The following ALPK3 variants were observed in gnomAD, a reference collection of about 807,000 sequenced individuals.
ALPK3 encodes the protein alpha-protein kinase 3.
A neutral mutation model predicts 140.0 loss-of-function variants in ALPK3; 102 were observed. The observed-to-expected ratio is 0.73, with a 90% CI of 0.62 to 0.86. The LOEUF (loss-of-function observed/expected upper bound fraction) is 0.86. Among genes scored for constraint, ALPK3 ranks in the 40% least tolerant of loss-of-function variants. ALPK3 has a pLI of 0.00. For missense variants in ALPK3, 2,254 were observed against 2,208.2 expected, an observed-to-expected ratio of 1.02 and a Z score of -0.42; for synonymous variants, 938 against 898.5, an observed-to-expected ratio of 1.04 and a Z score of -0.79.
At position 84,827,487 on chromosome 15, in the gene ALPK3, C is replaced by T. The variant is rs116058119; in HGVS notation, c.186C>T (p.Ser62=). Residue 62 remains serine, a synonymous_variant, in exon 3 of 14, where the codon AGC becomes AGT. Transcript: ENST00000258888. ...AATAGCTCTTTGCCTCTCTTAGGAG[C>T]ACCTTCTGCTCCATCATTGCTCAGC... ...NRLSHPSSGR[S]TFCSIIAQLT... 3.7e-5 allele frequency: 59 copies of T among 1,614,044 alleles called. No individual in the cohort carries two copies. The highest frequency in any genetic ancestry group is 4.7e-5 in the Non-Finnish European group (55 of 1,180,048).
Position 84,847,646 on chromosome 15 carries a change from G to T in ALPK3, c.1653+6714G>T, listed in dbSNP as rs142524095. On this transcript the variant is annotated intron_variant, in intron 5 of 13. Coordinates refer to ENST00000258888, the MANE Select transcript of ALPK3 (RefSeq NM_020778.5). ...CATTTTTTTTTAATGCTAAAAAAAAGAACTTTCAACCTATAATTCTACATT... is the reference window on the plus strand; with the variant it reads ...CATTTTTTTTTAATGCTAAAAAAAATAACTTTCAACCTATAATTCTACATT... Among the ~76,000 whole-genome samples the T allele has an allele frequency of 4.6e-5, 7 of 152,136 alleles. No homozygotes were observed. The East Asian group carries it at 1.2e-3, about 25-fold the overall frequency.
At chr15:84,860,367 C>T (rs1383845958) in intron 9 of ALPK3, among the ~76,000 whole-genome samples, 4 of 152,208 alleles carry the variant, frequency 2.6e-5, no homozygotes, top group African/African-American at 9.6e-5. Context: ...ATCCTGCCAG[C>T]TCCTACCCAG....
intron 2 of ALPK3, among the ~76,000 whole-genome samples, chr15:84,824,751 T>C (rs1302092888): frequency 6.6e-6 from 1 of 152,164 alleles, no homozygotes; most frequent in Non-Finnish European, 1.5e-5. Flanking sequence ...TTTAGAGACA[T>C]ATGATTAGTC....
intron 3 of ALPK3, 131 bp downstream of exon 3, chr15:84,827,736 G>T: frequency 7.6e-7 from 1 of 1,319,614 alleles, no homozygotes. Flanking sequence ...TTTACTTTCT[G>T]AGCTTTCTCT....
intron 1 of ALPK3, among the ~76,000 whole-genome samples, chr15:84,821,093 C>G (rs1197223727): frequency 3.3e-5 from 5 of 152,180 alleles, no homozygotes; most frequent in Non-Finnish European, 7.3e-5. Flanking sequence ...TTTGATGCCT[C>G]TCATTCAGCT....
At chr15:84,826,041 G>T (rs180673667) in intron 2 of ALPK3, among the ~76,000 whole-genome samples, 2 of 152,124 alleles carry the variant, frequency 1.3e-5, no homozygotes, top group Non-Finnish European at 1.5e-5. Flanking sequence ...TGATCTTTGT[G>T]GGGGAGGGCC....
intron 5 of ALPK3, among the ~76,000 whole-genome samples, chr15:84,842,324 G>A (rs112403084): frequency 0.06 from 9,194 of 152,344 alleles, 344 homozygotes; most frequent in African/African-American, 0.073. Flanking sequence ...GTGAGCCGCC[G>A]TGCCCAGCCC....
rs777847522 is a variant in ALPK3 at position 84,840,932 on chromosome 15, G to C, written c.1653G>C (p.Glu551Asp). ...AAGCAGGCCACAGGACTCCAGGAGAGGTAAGTGTGGGTGTTGGGTGCCTGG... is the reference window on the plus strand; with the variant it reads ...AAGCAGGCCACAGGACTCCAGGAGACGTAAGTGTGGGTGTTGGGTGCCTGG... ...QGQAGHRTPG[E>D]VLECQTTTAP... Residue 551 changes from glutamate (E) to aspartate (D), a missense_variant and splice_region_variant, in exon 5 of 14, where the codon GAG becomes GAC. Around this residue, in one of 3 missense-constraint regions of ALPK3, gnomAD observed 2,088 missense variants for 2,022.9 expected, o/e 1.03. Coordinates refer to ENST00000258888, the MANE Select transcript of ALPK3 (RefSeq NM_020778.5). The C allele has an allele frequency of 1.3e-6, 2 of 1,568,302 alleles. No individual in the cohort carries two copies. The highest frequency in any genetic ancestry group is 2.7e-5 in the African/African-American group (2 of 73,178).
intron 12 of ALPK3, 114 bp from the exon 13 acceptor site, chr15:84,867,203 T>G: frequency 1.0e-6 from 1 of 973,306 alleles, no homozygotes; most frequent in Non-Finnish European, 1.5e-6. Context: ...AGCCCCCATG[T>G]CTCCAGCAGG....
chr15:84,838,916 C>G, intron 3 of ALPK3, 64 bp from the exon 4 acceptor site: 3 of 1,454,502 alleles, frequency 2.1e-6, no homozygotes, highest in South Asian at 1.1e-5. Flanking sequence ...GCCACCGTGC[C>G]CGGCCTCTTC....
intron 3 of ALPK3, among the ~76,000 whole-genome samples, chr15:84,836,047 T>C (rs1429444): frequency 0.75 from 113,795 of 152,200 alleles, 42,948 homozygotes; most frequent in East Asian, 0.93. Flanking sequence ...GAAAAATAAA[T>C]GTAGTAAGAG....
At chr15:84,824,654 C>T (rs559955330) in intron 2 of ALPK3, among the ~76,000 whole-genome samples, 29 of 152,268 alleles carry the variant, frequency 1.9e-4, no homozygotes, top group African/African-American at 6.5e-4. Context: ...TAAGCGTTGA[C>T]AGGAGACGAC....
chr15:84,841,642 A>T (rs2141558018), intron 5 of ALPK3, among the ~76,000 whole-genome samples: 1 of 152,300 alleles, frequency 6.6e-6, no homozygotes, highest in South Asian at 2.1e-4. Context: ...CTTCTAGGGA[A>T]CAGGTAGCTG....
chr15:84,835,785 T>G (rs1413180536), intron 3 of ALPK3, among the ~76,000 whole-genome samples: 1 of 152,122 alleles, frequency 6.6e-6, no homozygotes, highest in Non-Finnish European at 1.5e-5. Flanking sequence ...CTTTCCTGAG[T>G]CCCTAGCCAG....
chr15:84,822,002 G>A (rs1206022615), intron 1 of ALPK3, among the ~76,000 whole-genome samples: 10 of 152,262 alleles, frequency 6.6e-5, no homozygotes, highest in Middle Eastern at 6.8e-3. Context: ...TGGTTGCAGC[G>A]GGAGTGTGAG....
chr15:84,839,649 G>A (rs1331643691), intron 4 of ALPK3, 53 bp from the exon 5 acceptor site: 8 of 1,534,874 alleles, frequency 5.2e-6, no homozygotes, highest in East Asian at 2.3e-5. Flanking sequence ...GGGGGTGTGG[G>A]GGCTCTCACC....
chr15:84,839,956 G>C lies in ALPK3; in HGVS notation c.677G>C (p.Arg226Pro). The change falls in exon 5 of 14, where the codon CGA becomes CCA. Residue 226 changes from arginine to proline, a missense_variant. Physicochemically the swap from Arg to Pro is moderately radical, Grantham distance 103. Coordinates refer to ENST00000258888, the MANE Select transcript of ALPK3 (RefSeq NM_020778.5). ...LSPDRFQRKRRLSGAQAPGPS... is the reference protein window; with the variant it reads ...LSPDRFQRKRPLSGAQAPGPS... ...CCCGACCGCTTCCAGCGAAAGCGGC[G>C]ATTGAGCGGGGCTCAAGCGCCGGGC... The C allele has an allele frequency of 6.2e-7, 1 of 1,613,444 alleles. No homozygotes were observed.
rs1014487387 is a variant in ALPK3 at position 84,871,382 on chromosome 15, G to T, written c.*2926G>T. On this transcript the variant is annotated 3_prime_UTR_variant, in exon 14 of 14. Transcript: ENST00000258888. ...CAGCAATCATATTTTCCCTTGATAGGGTTCATCATTCTAGATACTCCGATG... is the reference window on the plus strand; with the variant it reads ...CAGCAATCATATTTTCCCTTGATAGTGTTCATCATTCTAGATACTCCGATG... The T allele has an allele frequency of 1.3e-5, 2 of 152,142 alleles. No individual in the cohort carries two copies. The highest frequency in any genetic ancestry group is 4.8e-5 in the African/African-American group (2 of 41,402). The allele number at this position is 152,142 out of a possible 1,614,324, so 9.4% of individuals were successfully genotyped here. A position where few individuals can be genotyped will look rare whatever the true frequency, so the allele number is the denominator to read the frequency against.
rs183299659 is a variant in ALPK3 at position 84,836,431 on chromosome 15, G to A, written c.305-2549G>A. On this transcript the variant is annotated intron_variant, in intron 3 of 13. Coordinates refer to ENST00000258888, the MANE Select transcript of ALPK3 (RefSeq NM_020778.5). ...TATTAAAGAAATTGAGGTGTGAGAT[G>A]ATGGGAATGTGGACCAGGCTGTTGG... is the stretch of plus-strand genomic sequence containing the variant. Among the ~76,000 whole-genome samples, 3 of 152,348 alleles carry A rather than the reference G, an allele frequency of 2.0e-5. No homozygotes were observed. The East Asian group carries it at 5.8e-4, about 29-fold the overall frequency.
Sources: allele counts gnomAD v4.1 joint callset (sites outside exome capture counted in the v4.1 genomes callset), GRCh38; gene constraint gnomAD v4.1.1; regional missense constraint gnomAD v4.1.1; transcripts MANE v1.5; gene names NCBI Gene and HGNC (gene_info 2026-07-23, HGNC 2026-07-21).